Variants in WNT10A observed in about 807,000 individuals in gnomAD.
The protein encoded by WNT10A is protein Wnt-10a.
In WNT10A, 37 loss-of-function variants were observed where a neutral mutation model predicts 36.1. That is an observed-to-expected ratio of 1.02 (90% CI 0.79 to 1.35). The LOEUF (loss-of-function observed/expected upper bound fraction) is 1.35, where lower values mean the gene tolerates loss of function less well. Ranked by LOEUF, WNT10A falls within the 40% of genes most tolerant of loss-of-function variation. The probability of loss-of-function intolerance (pLI) is 0.00; values close to 1 mark genes in which losing one functional copy is unlikely to be tolerated. For missense variants in WNT10A, 613 were observed against 601.4 expected (o/e 1.02, Z -0.20); for synonymous variants, 255 against 254.1 (o/e 1.00, Z -0.03).
the WNT10A span, among the ~76,000 whole-genome samples, chr2:218,875,413 A>G: frequency 9.9e-5 from 15 of 151,478 alleles, no homozygotes; most frequent in Non-Finnish European, 7.4e-5. Context: ...GACGGTCTTG[A>G]TCTCCTGACC....
the WNT10A span, among the ~76,000 whole-genome samples, chr2:218,874,497 A>C: frequency 6.6e-6 from 1 of 152,242 alleles, no homozygotes; most frequent in Non-Finnish European, 1.5e-5. Context: ...CTTCTGATGC[A>C]TACCTCTTGA....
At chr2:218,879,912 C>G (rs1248589960), upstream of WNT10A, among the ~76,000 whole-genome samples, 1 of 152,332 alleles carries the variant, frequency 6.6e-6, no homozygotes, top group Middle Eastern at 3.4e-3. Context: ...GGCGCTCCTA[C>G]GCAAGCATTT....
At position 218,890,040 on chromosome 2, in the gene WNT10A, G is replaced by A. The variant is rs543063101; in HGVS notation, c.433G>A (p.Val145Met). 2.7e-5 allele frequency: 43 copies of A among 1,613,940 alleles called. No individual in the cohort carries two copies. The South Asian group carries it at 3.0e-4, about 11-fold the overall frequency. Residue 145 changes from valine to methionine, a missense_variant, in exon 3 of 4, where the codon GTG becomes ATG. Coordinates refer to ENST00000258411, the MANE Select transcript of WNT10A (RefSeq NM_025216.3). ...AIAAAGVVHA[V>M]SNACALGKLK... is the part of the protein sequence containing the mutation. ...CGCAGCAGCTGGCGTGGTGCACGCC[G>A]TGTCCAATGCGTGTGCCCTGGGCAA... is the stretch of plus-strand genomic sequence containing the variant.
intron 2 of WNT10A, among the ~76,000 whole-genome samples, chr2:218,889,426 C>G (rs1944619084): frequency 6.6e-6 from 1 of 152,182 alleles, no homozygotes; most frequent in South Asian, 2.1e-4. Context: ...TTCTTTTCCT[C>G]TGGGTAGATA....
At chr2:218,878,180 G>A (rs539782944), upstream of WNT10A, among the ~76,000 whole-genome samples, 7 of 152,268 alleles carry the variant, frequency 4.6e-5, no homozygotes, top group African/African-American at 1.4e-4. The surrounding 1 kb of genome is among the most constrained non-coding windows in gnomAD (Gnocchi z 4.1). Context: ...GCTGATAGGG[G>A]CTTGGCCATG....
At chr2:218,882,444 C>A in intron 2 of WNT10A, 21 bp downstream of exon 2, 1 of 1,613,608 alleles carries the variant, frequency 6.2e-7, no homozygotes, top group Middle Eastern at 1.7e-4. Context: ...CTCACCCCTG[C>A]CCCTGCCTGC....
chr2:218,893,142 G>A lies in WNT10A; in HGVS notation c.1125G>A (p.Met375Ile). Reference sequence around the variant, plus strand: ...CCGGCTCGGATGGCTGCGGCAGCATGTGCTGCGGCCGCGGCCACAACATCC... The same window carrying A: ...CCGGCTCGGATGGCTGCGGCAGCATATGCTGCGGCCGCGGCCACAACATCC... The part of the protein sequence containing the change: ...SSAGSDGCGS[M>I]CCGRGHNILR... The change falls in exon 4 of 4, where the codon ATG (methionine) becomes ATA (isoleucine). Residue 375 changes from methionine to isoleucine, a missense_variant. By Grantham distance (10) the Met-to-Ile change is conservative. Transcript: ENST00000258411. This position sits in a 1 kb window ranked among gnomAD's most constrained non-coding sequence, Gnocchi z 6.3. 2 of 1,591,870 alleles carry A rather than the reference G, an allele frequency of 1.3e-6. No homozygotes were observed. The highest frequency in any genetic ancestry group is 1.7e-6 in the Non-Finnish European group (2 of 1,176,552).
intron 2 of WNT10A, among the ~76,000 whole-genome samples, chr2:218,886,954 TG>T (rs1411327458): frequency 6.6e-6 from 1 of 152,156 alleles, no homozygotes; most frequent in Non-Finnish European, 1.5e-5. Context: ...TCTGCCGCGG[TG>T]GGGTACGTTT....
In WNT10A at chr2:218,890,170, T is replaced by G. The variant is rs1304878664; in HGVS notation, c.563T>G (p.Leu188Arg). The change falls in exon 3 of 4, where the codon CTG (leucine) becomes CGG (arginine). Residue 188 changes from leucine (L) to arginine (R), a missense_variant. Leu to Arg is a moderately radical substitution (Grantham distance 102). Transcript: ENST00000258411. ...QLDALQRGKG[L>R]SHGVPEHPAL... The stretch of plus-strand genomic sequence containing the variant: ...GATGCACTGCAGCGTGGTAAGGGCC[T>G]GAGCCATGGGGTCCCGGAACACCCA... The G allele has an allele frequency of 6.2e-7, 1 of 1,614,168 alleles. No homozygotes were observed.
In WNT10A at chr2:218,890,270, G is replaced by A; in HGVS notation, c.663G>A (p.Gly221=). ...WGGCSPDMGF[G]ERFSKDFLDS... ...GCTGCAGCCCCGACATGGGCTTCGG[G>A]GAGCGCTTTTCTAAGGACTTTCTGG... is the stretch of plus-strand genomic sequence containing the variant. The change falls in exon 3 of 4, where the codon GGG becomes GGA. Residue 221 remains glycine (G), a synonymous_variant. Transcript: ENST00000258411. 3 of 1,611,722 alleles carry A rather than the reference G, an allele frequency of 1.9e-6. No homozygotes were observed. Among genetic ancestry groups the A allele is most frequent in the Non-Finnish European group, 2.5e-6 (3 of 1,179,960 alleles).
chr2:218,877,709 C>T (rs921024971), upstream of WNT10A, among the ~76,000 whole-genome samples: 4 of 152,154 alleles, frequency 2.6e-5, no homozygotes, highest in African/African-American at 9.7e-5. The surrounding 1 kb of genome is among the most constrained non-coding windows in gnomAD (Gnocchi z 4.1). Flanking sequence ...GCCACGGGCT[C>T]GGGGAACAAT....
chr2:218,877,097 G>A (rs1446254696), upstream of WNT10A, among the ~76,000 whole-genome samples: 1 of 152,182 alleles, frequency 6.6e-6, no homozygotes, highest in Non-Finnish European at 1.5e-5. This position sits in a 1 kb window ranked among gnomAD's most constrained non-coding sequence, Gnocchi z 4.1. Flanking sequence ...AGGGAAGCTG[G>A]GGAAGTGGCA....
In WNT10A at chr2:218,882,394, T is replaced by G; in HGVS notation, c.347T>G (p.Ile116Ser). 3 of 1,613,960 alleles carry G rather than the reference T, an allele frequency of 1.9e-6. No individual in the cohort carries two copies. Among genetic ancestry groups the G allele is most frequent in the Non-Finnish European group, 1.7e-6 (2 of 1,179,978 alleles). ...NCSSLETRNK[I>S]PYESPIFSRG... is the part of the protein sequence containing the mutation. ...TCAAGCCTGGAGACTCGCAACAAGA[T>G]CCCCTATGAGAGTCCCATCTTCAGC... Residue 116 changes from isoleucine to serine, a missense_variant, in exon 2 of 4, where the codon ATC becomes AGC. Physicochemically the swap from Ile to Ser is moderately radical, Grantham distance 142. Coordinates refer to ENST00000258411, the MANE Select transcript of WNT10A (RefSeq NM_025216.3).
chr2:218,883,577 C>G (rs976755229), intron 2 of WNT10A, among the ~76,000 whole-genome samples: 2 of 151,232 alleles, frequency 1.3e-5, no homozygotes, highest in African/African-American at 4.8e-5. Flanking sequence ...CCTCCCTCCC[C>G]CGCGCGCCCC....
chr2:218,877,656 G>A (rs1257759177), upstream of WNT10A, among the ~76,000 whole-genome samples: 1 of 152,228 alleles, frequency 6.6e-6, no homozygotes, highest in Non-Finnish European at 1.5e-5. This position sits in a 1 kb window ranked among gnomAD's most constrained non-coding sequence, Gnocchi z 4.1. Context: ...AACACAGGCA[G>A]ATGGGTGAGG....
chr2:218,881,420 C>A (rs1944512803), intron 1 of WNT10A, among the ~76,000 whole-genome samples: 2 of 152,188 alleles, frequency 1.3e-5, no homozygotes, highest in Non-Finnish European at 2.9e-5. Flanking sequence ...ACCCCCACCT[C>A]AGGAGTAAGC....
Position 218,880,913 on chromosome 2 carries a change from C to CCG in WNT10A, c.-82_-81dup. 6.9e-7 allele frequency: 1 copy of CCG among 1,453,234 alleles called. No individual in the cohort carries two copies. The highest frequency in any genetic ancestry group is 1.5e-5 in the African/African-American group (1 of 68,088). 90.0% of individuals were successfully genotyped at this position (1,453,234 alleles called of 1,614,324 possible). ...GTGTCGCAGCCGCCCCGACCCCCCG[C>CCG]CGATCATGCGCCGGCGCCCCTGGCT... is the stretch of plus-strand genomic sequence containing the variant. On this transcript the variant is annotated 5_prime_UTR_variant, in exon 1 of 4. Coordinates refer to ENST00000258411, the MANE Select transcript of WNT10A (RefSeq NM_025216.3). This position sits in a 1 kb window ranked among gnomAD's most constrained non-coding sequence, Gnocchi z 7.7.
upstream of WNT10A, among the ~76,000 whole-genome samples, chr2:218,878,168 G>T (rs1037053302): frequency 2.6e-5 from 4 of 152,180 alleles, no homozygotes; most frequent in African/African-American, 9.7e-5. The surrounding 1 kb of genome is among the most constrained non-coding windows in gnomAD (Gnocchi z 4.1). Flanking sequence ...GGACTAGGGG[G>T]TGCTGATAGG....
Position 218,892,785 on chromosome 2 carries a change from G to A in WNT10A, c.768G>A (p.Glu256=). 2 of 1,594,164 alleles carry A rather than the reference G, an allele frequency of 1.3e-6. No homozygotes were observed. The highest frequency in any genetic ancestry group is 1.1e-5 in the South Asian group (1 of 87,932). Reference sequence around the variant, plus strand: ...GCCTCCCTCCGCAGGCAGTGATGGAGAACATGCGGCGGAAGTGCAAGTGCC... The same window carrying A: ...GCCTCCCTCCGCAGGCAGTGATGGAAAACATGCGGCGGAAGTGCAAGTGCC... ...NNRVGRQAVM[E]NMRRKCKCHG... Residue 256 remains glutamate, a synonymous_variant, in exon 4 of 4, where the codon GAG becomes GAA. Coordinates refer to ENST00000258411, the MANE Select transcript of WNT10A (RefSeq NM_025216.3).
Sources: gnomAD v4.1 joint callset for allele counts (sites outside exome capture counted in the v4.1 genomes callset) on GRCh38, gnomAD v4.1.1 for gene constraint, Gnocchi (gnomAD v3.1) non-coding constraint, MANE v1.5 for transcripts, NCBI Gene and HGNC (gene_info 2026-07-23, HGNC 2026-07-21) for gene names.